SEMA5A: variants seen among roughly 807,000 people sequenced by gnomAD.
The protein encoded by SEMA5A is semaphorin-5A.
Under a neutral mutation model 135.5 loss-of-function variants are expected in SEMA5A, and 55 were observed. That is an observed-to-expected ratio of 0.41 (90% CI 0.33 to 0.51). The LOEUF (loss-of-function observed/expected upper bound fraction) is 0.51. SEMA5A is among the 20% of genes least tolerant of loss of function. SEMA5A has a pLI of 0.37. For synonymous variants in SEMA5A, 580 were observed against 546.5 expected (o/e 1.06, Z -0.85); for missense variants, 1,290 against 1,419.9 (o/e 0.91, Z 1.47).
At position 9,119,903 on chromosome 5, in the gene SEMA5A, T is replaced by C. The variant is rs559642177; in HGVS notation, c.1782-762A>G. On this transcript the variant is annotated intron_variant, in intron 14 of 22. Transcript: ENST00000382496. ...TTACACATACAGAGTAATGTAGATA[T>C]ATAAAAATATAAAATAAAAATAGGA... Among the ~76,000 whole-genome samples the C allele has an allele frequency of 2.0e-5, 3 of 151,544 alleles. No homozygotes were observed. The East Asian group carries it at 5.9e-4, about 30-fold the overall frequency.
At chr5:9,138,303 C>T (rs62356699) in intron 12 of SEMA5A, among the ~76,000 whole-genome samples, 7,333 of 152,204 alleles carry the variant, frequency 0.048, 258 homozygotes, top group Middle Eastern at 0.082. Flanking sequence ...ACATATTCTG[C>T]AGATATTTTA....
chr5:9,468,618 A>G (rs185589), intron 1 of SEMA5A, among the ~76,000 whole-genome samples: 2,791 of 20,732 alleles, frequency 0.13, 72 homozygotes, highest in African/African-American at 0.3. Context: ...ACTATATAAA[A>G]TTCAGGCTGT....
At chr5:9,438,373 T>C (rs116408372) in intron 1 of SEMA5A, among the ~76,000 whole-genome samples, 45 of 152,294 alleles carry the variant, frequency 3.0e-4, no homozygotes, top group Non-Finnish European at 5.3e-4. Context: ...TGAGGCTTTA[T>C]AGGAAAAGGA....
At chr5:9,291,587 AAGAGAGAGAGAGAGAGAAAGAG>A (rs1170771438) in intron 5 of SEMA5A, among the ~76,000 whole-genome samples, 1 of 139,890 alleles carries the variant, frequency 7.1e-6, no homozygotes, top group Non-Finnish European at 1.6e-5. Flanking sequence ...AGAAGCAGGA[AAGAGAGAGAGAGAGAGAAAGAG>A]AGAGAGAGAG....
At chr5:9,393,969 T>C (rs1756277195) in intron 2 of SEMA5A, among the ~76,000 whole-genome samples, 1 of 151,948 alleles carries the variant, frequency 6.6e-6, no homozygotes, top group Non-Finnish European at 1.5e-5. Context: ...AAGTAAATAT[T>C]AGAAATAAGA....
At chr5:9,362,960 G>C (rs1016715325) in intron 3 of SEMA5A, among the ~76,000 whole-genome samples, 1 of 152,136 alleles carries the variant, frequency 6.6e-6, no homozygotes, top group Non-Finnish European at 1.5e-5. Context: ...ATTTCTCAGC[G>C]ACTGCCTCAC....
intron 13 of SEMA5A, among the ~76,000 whole-genome samples, chr5:9,129,893 T>C (rs887426897): frequency 1.3e-5 from 2 of 152,172 alleles, no homozygotes; most frequent in African/African-American, 2.4e-5. Context: ...TCAAAGTCAC[T>C]CTGGTTGTAA....
intron 13 of SEMA5A, among the ~76,000 whole-genome samples, chr5:9,125,317 G>C (rs1741047551): frequency 6.6e-6 from 1 of 152,142 alleles, no homozygotes; most frequent in Non-Finnish European, 1.5e-5. Context: ...CCATCTGTTA[G>C]AGCAATTCTT....
At chr5:9,258,339 C>T (rs564043375) in intron 5 of SEMA5A, among the ~76,000 whole-genome samples, 36 of 152,294 alleles carry the variant, frequency 2.4e-4, no homozygotes, top group Non-Finnish European at 4.0e-4. Flanking sequence ...ATTGATCAAA[C>T]TTACTTTGTC....
At chr5:9,484,809 G>A (rs1215923423) in intron 1 of SEMA5A, among the ~76,000 whole-genome samples, 1 of 152,044 alleles carries the variant, frequency 6.6e-6, no homozygotes, top group Non-Finnish European at 1.5e-5. Flanking sequence ...TTCTATGGAG[G>A]TTCTTGCATC....
intron 10 of SEMA5A, among the ~76,000 whole-genome samples, chr5:9,193,181 ATC>A (rs951517785): frequency 1.3e-5 from 2 of 152,174 alleles, no homozygotes; most frequent in Non-Finnish European, 2.9e-5. Context: ...GAGTTATAGA[ATC>A]TATGTATTGG....
chr5:9,223,326 C>A (rs1342226465), intron 8 of SEMA5A, among the ~76,000 whole-genome samples: 1 of 152,136 alleles, frequency 6.6e-6, no homozygotes, highest in Non-Finnish European at 1.5e-5. Flanking sequence ...TATTATTTGG[C>A]AAAATACTTG....
intron 1 of SEMA5A, among the ~76,000 whole-genome samples, chr5:9,501,608 A>ACCC (rs1239259666): frequency 6.6e-6 from 1 of 152,184 alleles, no homozygotes; most frequent in East Asian, 1.9e-4. Flanking sequence ...AGAAGGAACG[A>ACCC]CCAGCTCCCT....
intron 16 of SEMA5A, among the ~76,000 whole-genome samples, chr5:9,068,082 A>G (rs1274821821): frequency 1.3e-5 from 2 of 152,130 alleles, no homozygotes; most frequent in Non-Finnish European, 2.9e-5. Context: ...ACTTTGATGA[A>G]TTATTTCAAG....
chr5:9,178,066 G>A (rs1197546050), intron 11 of SEMA5A, among the ~76,000 whole-genome samples: 1 of 152,050 alleles, frequency 6.6e-6, no homozygotes, highest in Non-Finnish European at 1.5e-5. Flanking sequence ...ACAGAACTTG[G>A]ATTTATTCCT....
At chr5:9,417,137 T>G (rs543112928) in intron 2 of SEMA5A, among the ~76,000 whole-genome samples, 29 of 152,370 alleles carry the variant, frequency 1.9e-4, no homozygotes, top group African/African-American at 6.7e-4. Context: ...AGGCCATTTA[T>G]AGCAACCATT....
intron 8 of SEMA5A, among the ~76,000 whole-genome samples, chr5:9,214,604 C>A (rs1406987904): frequency 6.6e-6 from 1 of 152,172 alleles, no homozygotes; most frequent in Non-Finnish European, 1.5e-5. Flanking sequence ...TCAGGGATCT[C>A]TGTATCCCGG....
At chr5:9,225,155 AT>A (rs1747223626) in intron 7 of SEMA5A, among the ~76,000 whole-genome samples, 3 of 152,150 alleles carry the variant, frequency 2.0e-5, no homozygotes, top group African/African-American at 7.2e-5. Flanking sequence ...AAATAAGATC[AT>A]TGTATATATG....
chr5:9,324,772 T>C (rs919274387), intron 4 of SEMA5A, among the ~76,000 whole-genome samples: 4 of 152,214 alleles, frequency 2.6e-5, no homozygotes, highest in African/African-American at 9.6e-5. Context: ...AGGCAACCAC[T>C]TTATCTTGCA....
Sources: gnomAD v4.1 joint callset for allele counts (sites outside exome capture counted in the v4.1 genomes callset) on GRCh38, gnomAD v4.1.1 for gene constraint, MANE v1.5 for transcripts, NCBI Gene and HGNC (gene_info 2026-07-23, HGNC 2026-07-21) for gene names.